The following CCDC88A variants were observed in gnomAD, a reference collection of about 807,000 sequenced individuals.
CCDC88A encodes coiled-coil and HOOK domain protein 88A, also known as girdin.
Under a neutral mutation model 234.3 loss-of-function variants are expected in CCDC88A, and 54 were observed. The ratio of observed to expected loss-of-function variants is 0.23; its 90% CI spans 0.19 to 0.29. The LOEUF (loss-of-function observed/expected upper bound fraction) is 0.29, where lower values mean the gene tolerates loss of function less well. Among genes scored for constraint, CCDC88A ranks in the 10% least tolerant of loss-of-function variants. CCDC88A has a pLI of 1.00. For missense variants in CCDC88A, 1,832 were observed against 2,123.4 expected (o/e 0.86, Z 2.70); for synonymous variants, 753 against 737.8 (o/e 1.02, Z -0.33).
At chr2:55,406,237 T>C (rs1229064738) in intron 2 of CCDC88A, 2 of 152,184 alleles carry the variant, frequency 1.3e-5, no homozygotes. Context: ...ATAGTCTAAT[T>C]CATTTGCAAA....
At chr2:55,301,174 G>A in intron 28 of CCDC88A, 32 bp downstream of exon 28, 2 of 1,259,766 alleles carry the variant, frequency 1.6e-6, no homozygotes, top group Non-Finnish European at 2.3e-6. Context: ...TGTATTTAAT[G>A]TGTACTCTCT....
chr2:55,301,559 T>A, intron 27 of CCDC88A: 1 of 513,194 alleles, frequency 1.9e-6, no homozygotes, highest in Non-Finnish European at 3.4e-6. Context: ...GTAGTTCTGT[T>A]GGAAGTTGTA....
At chr2:55,402,429 T>C (rs542196321) in intron 2 of CCDC88A, among the ~76,000 whole-genome samples, 144 of 152,264 alleles carry the variant, frequency 9.5e-4, no homozygotes, top group African/African-American at 3.3e-3. Flanking sequence ...GAAAATTATT[T>C]GATTGGCATA....
chr2:55,351,824 G>A (rs576254613), intron 8 of CCDC88A, among the ~76,000 whole-genome samples: 1 of 152,238 alleles, frequency 6.6e-6, no homozygotes, highest in Non-Finnish European at 1.5e-5. Flanking sequence ...GAATTCAAAT[G>A]CCTGTCAACC....
chr2:55,398,497 C>A (rs897541776), intron 2 of CCDC88A, among the ~76,000 whole-genome samples: 1 of 152,110 alleles, frequency 6.6e-6, no homozygotes, highest in Non-Finnish European at 1.5e-5. Context: ...TTGATGCATG[C>A]CCAGTTTGAG....
chr2:55,376,719 G>A (rs1366427217), intron 3 of CCDC88A, among the ~76,000 whole-genome samples: 2 of 152,206 alleles, frequency 1.3e-5, no homozygotes, highest in Non-Finnish European at 1.5e-5. Flanking sequence ...ATGATATAGA[G>A]TTTGGATATT....
Position 55,322,527 on chromosome 2 carries a change from C to T in CCDC88A, c.3162+1G>A. On this transcript the variant is annotated splice_donor_variant, in intron 18 of 32. Transcript: ENST00000436346. LOFTEE classifies it high-confidence loss of function. ...TTCTACTAAAATTTAAAAATACTTA[C>T]ATTTCTTTCTACTTCAATTAATCTG... 2 of 1,547,742 alleles carry T rather than the reference C, an allele frequency of 1.3e-6. No individual in the cohort carries two copies. Among genetic ancestry groups the T allele is most frequent in the Non-Finnish European group, 1.8e-6 (2 of 1,130,920 alleles).
Position 55,317,618 on chromosome 2 carries a change from G to T in CCDC88A, c.3548C>A (p.Thr1183Asn), listed in dbSNP as rs2104625912. The T allele has an allele frequency of 6.2e-7, 1 of 1,606,370 alleles. No individual in the cohort carries two copies. Among genetic ancestry groups the T allele is most frequent in the East Asian group, 2.2e-5 (1 of 44,700 alleles). The change falls in exon 20 of 33, where the codon ACT becomes AAT. Residue 1183 changes from threonine (T) to asparagine (N), a missense_variant. Coordinates refer to ENST00000436346, the MANE Select transcript of CCDC88A (RefSeq NM_001365480.1). The surrounding 1 kb of genome is among the most constrained non-coding windows in gnomAD (Gnocchi z 4.2). ...AAGATTTTTGTGGGCAGACTTCAGA[G>T]TTCCATGTTTAGAGATAAGAGATTC... ...EYESLISKHG[T>N]LKSAHKNLEV...
intron 26 of CCDC88A, among the ~76,000 whole-genome samples, chr2:55,302,396 TGTGGTG>T (rs1681001420): frequency 6.6e-6 from 1 of 152,248 alleles, no homozygotes; most frequent in Non-Finnish European, 1.5e-5. Context: ...AATGTGGTTT[TGTGGTG>T]ACAAAAATGG....
chr2:55,337,426 TAA>T (rs1197561670), intron 13 of CCDC88A: 6 of 152,192 alleles, frequency 3.9e-5, no homozygotes, highest in African/African-American at 9.6e-5. Flanking sequence ...AAAAATATGC[TAA>T]GACTATTGAT....
intron 6 of CCDC88A, among the ~76,000 whole-genome samples, chr2:55,363,012 A>T (rs552780311): frequency 6.6e-6 from 1 of 152,126 alleles, no homozygotes; most frequent in East Asian, 1.9e-4. Flanking sequence ...AACTTTCATA[A>T]CAAACAGCAA....
intron 2 of CCDC88A, among the ~76,000 whole-genome samples, chr2:55,395,739 T>C (rs1902059): frequency 0.51 from 76,884 of 152,058 alleles, 21,524 homozygotes; most frequent in Admixed American, 0.63. Context: ...AGTTGACTAA[T>C]AGAGTCCTAA....
chr2:55,398,185 G>C (rs549831702), intron 2 of CCDC88A, among the ~76,000 whole-genome samples: 3 of 152,074 alleles, frequency 2.0e-5, no homozygotes, highest in Non-Finnish European at 4.4e-5. Context: ...GGCTGTGAAG[G>C]GATTTCTATG....
intron 2 of CCDC88A, among the ~76,000 whole-genome samples, chr2:55,409,423 C>T (rs1417378378): frequency 6.6e-6 from 1 of 152,126 alleles, no homozygotes; most frequent in Non-Finnish European, 1.5e-5. Context: ...TCTGTGCGAA[C>T]ACTGTCTCAA....
At chr2:55,349,371 A>G in intron 9 of CCDC88A, 147 bp downstream of exon 9, 1 of 608,006 alleles carries the variant, frequency 1.6e-6, no homozygotes. Flanking sequence ...GAAGAGAGAG[A>G]CTCTGAAAAA....
chr2:55,326,955 A>G (rs1684341601), intron 17 of CCDC88A, among the ~76,000 whole-genome samples: 1 of 152,252 alleles, frequency 6.6e-6, no homozygotes, highest in Admixed American at 6.5e-5. Flanking sequence ...GAGTAGCTTC[A>G]TGAAATTGAT....
At chr2:55,395,728 C>A (rs77249390) in intron 2 of CCDC88A, among the ~76,000 whole-genome samples, 4,930 of 152,288 alleles carry the variant, frequency 0.032, 255 homozygotes, top group African/African-American at 0.1. Context: ...TCTCAAAAAT[C>A]AGTTGACTAA....
In CCDC88A at chr2:55,334,112, C is replaced by G; in HGVS notation, c.2709G>C (p.Thr903=). The G allele has an allele frequency of 7.6e-7, 1 of 1,309,590 alleles. No individual in the cohort carries two copies. The highest frequency in any genetic ancestry group is 9.8e-7 in the Non-Finnish European group (1 of 1,017,470). 81.1% of individuals were successfully genotyped at this position (1,309,590 alleles called of 1,614,324 possible). A position where few individuals can be genotyped will look rare whatever the true frequency, so the allele number is the denominator to read the frequency against. Residue 903 remains threonine, a synonymous_variant, in exon 15 of 33, where the codon ACG becomes ACC. Transcript: ENST00000436346. This position sits in a 1 kb window ranked among gnomAD's most constrained non-coding sequence, Gnocchi z 6.1. ...TATTTACCTCACGTAGTGTAACCAACGTTTTTATATCAATAGTTGCTCTTT... is the reference window on the plus strand; with the variant it reads ...TATTTACCTCACGTAGTGTAACCAAGGTTTTTATATCAATAGTTGCTCTTT... The part of the protein sequence containing the change: ...LVKRATIDIK[T]LVTLREDLVS...
At chr2:55,344,686 A>C (rs1668882845) in intron 10 of CCDC88A, among the ~76,000 whole-genome samples, 172 bp from the exon 11 acceptor site, 1 of 152,168 alleles carries the variant, frequency 6.6e-6, no homozygotes, top group African/African-American at 2.4e-5. Context: ...TTACCCCAGA[A>C]TGCAAACAAA....
Sources: gnomAD v4.1 joint callset for allele counts (sites outside exome capture counted in the v4.1 genomes callset) on GRCh38, gnomAD v4.1.1 for gene constraint, Gnocchi (gnomAD v3.1) non-coding constraint, MANE v1.5 for transcripts, NCBI Gene and HGNC (gene_info 2026-07-23, HGNC 2026-07-21) for gene names.